BMERB1: variants seen among roughly 807,000 people sequenced by gnomAD.
BMERB1 encodes the protein bMERB domain containing 1.
Under a neutral mutation model 23.6 loss-of-function variants are expected in BMERB1, and 12 were observed. The observed-to-expected ratio is 0.51, with a 90% CI of 0.33 to 0.82. BMERB1 has a LOEUF of 0.82. Ranked by LOEUF, BMERB1 falls within the 40% of genes least tolerant of loss-of-function variation. The pLI, the probability that BMERB1 is intolerant of heterozygous loss-of-function variation, is 0.03. For missense variants in BMERB1, 247 were observed against 255.4 expected (o/e 0.97, Z 0.22); for synonymous variants, 122 against 96.6 (o/e 1.26, Z -1.54).
intron 2 of BMERB1, among the ~76,000 whole-genome samples, chr16:15,534,415 G>A (rs780871218): frequency 6.6e-6 from 1 of 151,960 alleles, no homozygotes; most frequent in Non-Finnish European, 1.5e-5. Context: ...TTAGCTGGGT[G>A]TGGAGGTACA....
chr16:15,446,966 G>A (rs561802891), intron 1 of BMERB1, among the ~76,000 whole-genome samples: 2 of 152,270 alleles, frequency 1.3e-5, no homozygotes, highest in East Asian at 1.9e-4. Context: ...GGATTTCTAG[G>A]TCAATATAGG....
intron 2 of BMERB1, among the ~76,000 whole-genome samples, chr16:15,547,939 G>T (rs538126007): frequency 6.6e-6 from 1 of 152,284 alleles, no homozygotes; most frequent in South Asian, 2.1e-4. Flanking sequence ...GAGATGATCT[G>T]TGTAAAGCAT....
chr16:15,506,249 C>G (rs1166141263), intron 1 of BMERB1, among the ~76,000 whole-genome samples: 1 of 151,920 alleles, frequency 6.6e-6, no homozygotes, highest in Non-Finnish European at 1.5e-5. Context: ...GATCTCTGCT[C>G]ACTACAAGCT....
intron 1 of BMERB1, among the ~76,000 whole-genome samples, chr16:15,452,146 G>T (rs2051047408): frequency 6.6e-6 from 1 of 151,332 alleles, no homozygotes; most frequent in South Asian, 2.1e-4. Flanking sequence ...TCCAGTCATG[G>T]GGCGTGCACC....
intron 1 of BMERB1, among the ~76,000 whole-genome samples, chr16:15,447,207 G>T (rs1433371668): frequency 6.6e-6 from 1 of 152,114 alleles, no homozygotes; most frequent in African/African-American, 2.4e-5. Flanking sequence ...GATTTGAAAA[G>T]AAAAGAGATT....
At chr16:15,451,069 A>G (rs1373959830) in intron 1 of BMERB1, among the ~76,000 whole-genome samples, 1 of 152,198 alleles carries the variant, frequency 6.6e-6, no homozygotes, top group African/African-American at 2.4e-5. Context: ...AATTAGTTTA[A>G]GGGGGCGTAA....
chr16:15,556,382 A>G (rs56144693), intron 2 of BMERB1, among the ~76,000 whole-genome samples: 8,941 of 151,976 alleles, frequency 0.059, 896 homozygotes, highest in African/African-American at 0.2. Flanking sequence ...TGATTCTCAT[A>G]CAACCCCAAG....
At chr16:15,474,692 A>G (rs1029230065) in intron 1 of BMERB1, among the ~76,000 whole-genome samples, 8 of 147,280 alleles carry the variant, frequency 5.4e-5, no homozygotes, top group African/African-American at 7.5e-5. Flanking sequence ...TCTCTTTTTT[A>G]TTCTTATTTT....
At chr16:15,435,942 T>G (rs1370440218) in intron 1 of BMERB1, among the ~76,000 whole-genome samples, 2 of 152,102 alleles carry the variant, frequency 1.3e-5, no homozygotes, top group Non-Finnish European at 2.9e-5. Flanking sequence ...TTTTCTCCCT[T>G]TTTAACCTTG....
At position 15,491,005 on chromosome 16, in the gene BMERB1, C is replaced by G. The variant is rs148646201; in HGVS notation, c.107-24300C>G. ...GGACCAGAGGCACACCCACCATGCCCGGCTATTTTGGTTTTTGTATTTTTT... is the reference window on the plus strand; with the variant it reads ...GGACCAGAGGCACACCCACCATGCCGGGCTATTTTGGTTTTTGTATTTTTT... On this transcript the variant is annotated intron_variant, in intron 1 of 5. Coordinates refer to ENST00000300006, the MANE Select transcript of BMERB1 (RefSeq NM_033201.3). Among the ~76,000 whole-genome samples the G allele has an allele frequency of 1.5e-3, 226 of 151,714 alleles. 3 individuals are homozygous for G. In the East Asian group the frequency reaches 0.036, roughly 24 times the overall value.
rs2150918129 is a variant in BMERB1 at position 15,434,620 on chromosome 16, G to C, written c.-34G>C. The C allele has an allele frequency of 6.3e-7, 1 of 1,588,120 alleles. No homozygotes were observed. Among genetic ancestry groups the C allele is most frequent in the East Asian group, 2.2e-5 (1 of 44,746 alleles). Reference sequence around the variant, plus strand: ...CAGCCCGCAACGGGAATGGAGTAAAGGGAGACCCGTCGACCTGGCCACGGG... The same window carrying C: ...CAGCCCGCAACGGGAATGGAGTAAACGGAGACCCGTCGACCTGGCCACGGG... On this transcript the variant is annotated 5_prime_UTR_variant, in exon 1 of 6. Coordinates refer to ENST00000300006, the MANE Select transcript of BMERB1 (RefSeq NM_033201.3).
intron 2 of BMERB1, among the ~76,000 whole-genome samples, chr16:15,530,872 C>A (rs939704035): frequency 2.7e-5 from 4 of 150,316 alleles, no homozygotes; most frequent in Non-Finnish European, 4.4e-5. Context: ...CTATGTGGAA[C>A]TGTGAGTCAA....
intron 2 of BMERB1, among the ~76,000 whole-genome samples, chr16:15,559,563 C>T (rs1452040413): frequency 3.9e-5 from 6 of 152,186 alleles, no homozygotes; most frequent in Non-Finnish European, 5.9e-5. Context: ...ACTGCTGTGA[C>T]GGTCTAGAAG....
At chr16:15,471,719 G>C (rs1355757005) in intron 1 of BMERB1, among the ~76,000 whole-genome samples, 1 of 152,080 alleles carries the variant, frequency 6.6e-6, no homozygotes, top group Non-Finnish European at 1.5e-5. Flanking sequence ...CAAAGTAGCT[G>C]GAACTACAAG....
intron 1 of BMERB1, among the ~76,000 whole-genome samples, chr16:15,494,866 C>T (rs868779473): frequency 1.5e-4 from 22 of 143,194 alleles, no homozygotes; most frequent in Middle Eastern, 3.6e-3. Context: ...GGTAAATTTC[C>T]TTTTTTTTAT....
chr16:15,474,949 A>G (rs1292922973), intron 1 of BMERB1, among the ~76,000 whole-genome samples: 1 of 152,128 alleles, frequency 6.6e-6, no homozygotes, highest in Admixed American at 6.5e-5. Flanking sequence ...GGCCTCCCAA[A>G]GCACTGGGAT....
intron 1 of BMERB1, among the ~76,000 whole-genome samples, chr16:15,493,447 T>C (rs1371919192): frequency 6.6e-6 from 1 of 152,156 alleles, no homozygotes; most frequent in Non-Finnish European, 1.5e-5. Context: ...GAACAGAGTA[T>C]GCATTTTAAT....
chr16:15,561,198 C>A (rs117003258), intron 2 of BMERB1, among the ~76,000 whole-genome samples: 1 of 149,552 alleles, frequency 6.7e-6, no homozygotes, highest in Non-Finnish European at 1.5e-5. Flanking sequence ...ACCTTGTGAC[C>A]TGCCCACCTC....
intron 2 of BMERB1, among the ~76,000 whole-genome samples, chr16:15,546,981 C>T (rs2029936928): frequency 6.6e-6 from 1 of 151,830 alleles, no homozygotes; most frequent in South Asian, 2.1e-4. Flanking sequence ...TGTTACATTC[C>T]AGCCTTTGTA....
Sources: gnomAD v4.1 joint callset for allele counts (sites outside exome capture counted in the v4.1 genomes callset) on GRCh38, gnomAD v4.1.1 for gene constraint, MANE v1.5 for transcripts, NCBI Gene and HGNC (gene_info 2026-07-23, HGNC 2026-07-21) for gene names.